UBE3A: variants seen among roughly 807,000 people sequenced by gnomAD.
UBE3A encodes the protein ubiquitin protein ligase E3A.
In UBE3A, 6 loss-of-function variants were observed where a neutral mutation model predicts 83.4. That is an observed-to-expected ratio of 0.07 (90% CI 0.04 to 0.14). The LOEUF is 0.14. UBE3A is among the 10% of genes least tolerant of loss of function. UBE3A has a pLI of 1.00. For missense variants in UBE3A, 456 were observed against 1,036.1 expected, an observed-to-expected ratio of 0.44 and a Z score of 7.69; for synonymous variants, 337 against 355.4, an observed-to-expected ratio of 0.95 and a Z score of 0.58.
intron 1 of UBE3A, among the ~76,000 whole-genome samples, chr15:25,420,400 C>G (rs925327944): frequency 2.0e-5 from 3 of 151,692 alleles, no homozygotes; most frequent in Non-Finnish European, 4.4e-5. Flanking sequence ...AAGATAAACT[C>G]AAAATTATAG....
intron 6 of UBE3A, among the ~76,000 whole-genome samples, chr15:25,363,609 C>T (rs745389757): frequency 6.6e-6 from 1 of 152,102 alleles, no homozygotes. Flanking sequence ...GATACTAATC[C>T]AGGAAACAAG....
chr15:25,338,998 TG>T lies in UBE3A; in HGVS notation c.*138del. The stretch of plus-strand genomic sequence containing the variant: ...GAGGCACAGACATAGGTGACTACTG[TG>T]GTTGACTATCTTACAGCCTTTTTGT... On this transcript the variant is annotated 3_prime_UTR_variant, in exon 13 of 13. Coordinates refer to ENST00000648336, the MANE Select transcript of UBE3A (RefSeq NM_130839.5). 1.1e-6 allele frequency: 1 copy of T among 938,792 alleles called. No individual in the cohort carries two copies. The highest frequency in any genetic ancestry group is 1.5e-6 in the Non-Finnish European group (1 of 673,860). 58.2% of individuals were successfully genotyped at this position (938,792 alleles called of 1,614,324 possible). A position where few individuals can be genotyped will look rare whatever the true frequency, so the allele number is the denominator to read the frequency against.
intron 6 of UBE3A, among the ~76,000 whole-genome samples, chr15:25,367,542 T>A (rs2079531414): frequency 6.6e-6 from 1 of 151,978 alleles, no homozygotes. Flanking sequence ...AGTTCTAAGG[T>A]ATTTGTGAAG....
chr15:25,439,032 CG>C (rs1375368486), upstream of UBE3A: 2 of 151,866 alleles, frequency 1.3e-5, no homozygotes, highest in African/African-American at 4.8e-5. Flanking sequence ...ACTGGCTGGG[CG>C]GGCCGAGTAT....
chr15:25,421,915 C>T (rs1482364943), intron 1 of UBE3A: 1 of 152,130 alleles, frequency 6.6e-6, no homozygotes, highest in Non-Finnish European at 1.5e-5. Flanking sequence ...TACATTTAAA[C>T]ATAAACTTAC....
Position 25,354,673 on chromosome 15 carries a change from T to C in UBE3A, c.2135A>G (p.Asn712Ser), listed in dbSNP as rs916720140. 12 of 1,612,638 alleles carry C rather than the reference T, an allele frequency of 7.4e-6. No homozygotes were observed. The highest frequency in any genetic ancestry group is 4.4e-5 in the South Asian group (4 of 91,068). Reference sequence around the variant, plus strand: ...ATTGAGAATGTAGTCAGAATAAAGATTGACAAATTCCTGTAGAAAACATTA... The same window carrying C: ...ATTGAGAATGTAGTCAGAATAAAGACTGACAAATTCCTGTAGAAAACATTA... ...ITNENRKEFV[N>S]LYSDYILNKS... Residue 712 changes from asparagine (N) to serine (S), a missense_variant, in exon 10 of 13, where the codon AAT (asparagine) becomes AGT (serine). This residue lies in a region of UBE3A where 82 missense variants were observed against 199.3 expected (regional missense o/e 0.41). Transcript: ENST00000648336.
rs751449644 is a variant in UBE3A, at chr15:25,371,815, A to G, written c.362-3T>C. ...CTCTTCTGTTAAGTAAGTCACATCT[A>G]GAAAATCAGAGGAAAAAAGAGAACA... On this transcript the variant is annotated splice_region_variant and splice_polypyrimidine_tract_variant and intron_variant, in intron 5 of 12. Coordinates refer to ENST00000648336, the MANE Select transcript of UBE3A (RefSeq NM_130839.5). This position sits in a 1 kb window ranked among gnomAD's most constrained non-coding sequence, Gnocchi z 5.3. The G allele has an allele frequency of 6.2e-7, 1 of 1,605,604 alleles. No individual in the cohort carries two copies. The highest frequency in any genetic ancestry group is 1.3e-5 in the African/African-American group (1 of 74,702).
At chr15:25,374,734 A>G (rs973926412) in intron 5 of UBE3A, 2 of 152,178 alleles carry the variant, frequency 1.3e-5, no homozygotes, top group African/African-American at 4.8e-5. Flanking sequence ...TTAAAATACA[A>G]TTGCCTCTGG....
At chr15:25,375,419 C>G in intron 5 of UBE3A, 46 bp downstream of exon 5, 2 of 1,599,568 alleles carry the variant, frequency 1.3e-6, no homozygotes, top group South Asian at 2.2e-5. Flanking sequence ...AAATCTCCCA[C>G]ATGGTTTTCA....
intron 9 of UBE3A, 54 bp from the exon 10 acceptor site, chr15:25,354,737 C>T (rs1394530622): frequency 1.3e-5 from 20 of 1,524,178 alleles, no homozygotes; most frequent in Admixed American, 1.7e-5. Context: ...GCAAACAAAA[C>T]ACAAGTTATT....
chr15:25,339,572 C>T (rs1360362463), intron 12 of UBE3A: 1 of 284,456 alleles, frequency 3.5e-6, no homozygotes, highest in African/African-American at 2.2e-5. Flanking sequence ...GAGAGGACAT[C>T]AGTAAATGCA....
chr15:25,365,675 G>A (rs1004438090), intron 6 of UBE3A, among the ~76,000 whole-genome samples: 1 of 151,138 alleles, frequency 6.6e-6, no homozygotes, highest in Non-Finnish European at 1.5e-5. Context: ...ATGAACCTGG[G>A]AGGCGGGGCT....
chr15:25,370,022 T>C lies in UBE3A; in HGVS notation c.1608+544A>G, dbSNP rs540142832. 3.9e-5 allele frequency among the ~76,000 whole-genome samples: 6 copies of C among 152,316 alleles called. No homozygotes were observed. Among genetic ancestry groups the C allele is most frequent in the African/African-American group, 1.4e-4 (6 of 41,568 alleles). Reference sequence around the variant, plus strand: ...GGAAGAAACTACCACAGCCAGGCAGTGCCGTCCACACAGGGATATTCTAAG... The same window carrying C: ...GGAAGAAACTACCACAGCCAGGCAGCGCCGTCCACACAGGGATATTCTAAG... On this transcript the variant is annotated intron_variant, in intron 6 of 12. Coordinates refer to ENST00000648336, the MANE Select transcript of UBE3A (RefSeq NM_130839.5). This position sits in a 1 kb window ranked among gnomAD's most constrained non-coding sequence, Gnocchi z 4.2.
At chr15:25,395,575 T>G (rs1449412432) in intron 4 of UBE3A, among the ~76,000 whole-genome samples, 1 of 152,164 alleles carries the variant, frequency 6.6e-6, no homozygotes, top group Non-Finnish European at 1.5e-5. Flanking sequence ...AAGCTGTTAT[T>G]GACTGAGATG....
intron 4 of UBE3A, among the ~76,000 whole-genome samples, chr15:25,382,587 TAAA>T (rs2082381432): frequency 6.7e-6 from 1 of 150,156 alleles, no homozygotes; most frequent in Admixed American, 6.6e-5. Flanking sequence ...ATAAAAAAAA[TAAA>T]AATAAATTAC....
At chr15:25,367,833 TC>T (rs2079575442) in intron 6 of UBE3A, among the ~76,000 whole-genome samples, 1 of 151,668 alleles carries the variant, frequency 6.6e-6, no homozygotes, top group Non-Finnish European at 1.5e-5. Flanking sequence ...AATATATTTT[TC>T]TTTTTTAAAA....
At chr15:25,348,386 T>C (rs1249172319) in intron 11 of UBE3A, among the ~76,000 whole-genome samples, 1 of 152,218 alleles carries the variant, frequency 6.6e-6, no homozygotes, top group Non-Finnish European at 1.5e-5. Flanking sequence ...TACAAACTTT[T>C]TGTTTACAAG....
chr15:25,366,545 C>T (rs2079131833), intron 6 of UBE3A, among the ~76,000 whole-genome samples: 1 of 152,060 alleles, frequency 6.6e-6, no homozygotes, highest in South Asian at 2.1e-4. Flanking sequence ...TTTGAACTTC[C>T]CTATTCAATT....
chr15:25,375,026 A>G (rs986811676), intron 5 of UBE3A: 5 of 209,320 alleles, frequency 2.4e-5, no homozygotes, highest in Non-Finnish European at 3.8e-5. Flanking sequence ...GAATTCTCAC[A>G]TAACTATCAC....
Sources: allele counts gnomAD v4.1 joint callset (sites outside exome capture counted in the v4.1 genomes callset), GRCh38; gene constraint gnomAD v4.1.1; regional missense constraint gnomAD v4.1.1; non-coding constraint Gnocchi (gnomAD v3.1); transcripts MANE v1.5; gene names NCBI Gene and HGNC (gene_info 2026-07-23, HGNC 2026-07-21).